RALYL: variants seen among roughly 807,000 people sequenced by gnomAD.
RALYL encodes the protein RALY RNA binding protein like, also known as RNA-binding Raly-like protein.
A neutral mutation model predicts 35.1 loss-of-function variants in RALYL; 29 were observed. That is an observed-to-expected ratio of 0.83 (90% confidence interval 0.61 to 1.13). The LOEUF (loss-of-function observed/expected upper bound fraction) is 1.13. RALYL is among the 50% of genes most tolerant of loss of function. The pLI, the probability that RALYL is intolerant of heterozygous loss-of-function variation, is 0.00. For synonymous variants in RALYL, 120 were observed against 127.6 expected, an observed-to-expected ratio of 0.94 and a Z score of 0.40; for missense variants, 359 against 360.4, an observed-to-expected ratio of 1.00 and a Z score of 0.03.
chr8:84,907,029 C>A (rs1275016400), intron 8 of RALYL: 5 of 928,630 alleles, frequency 5.4e-6, no homozygotes, highest in Non-Finnish European at 6.4e-6. Context: ...GGTAAGAATT[C>A]TTTTCACCTG....
At chr8:84,380,745 A>C (rs1417192410) in intron 1 of RALYL, among the ~76,000 whole-genome samples, 1 of 151,942 alleles carries the variant, frequency 6.6e-6, no homozygotes, top group Non-Finnish European at 1.5e-5. Context: ...AAGAGTTAAA[A>C]AGTGTTTCAG....
chr8:84,647,403 T>C (rs1827726740), intron 2 of RALYL, among the ~76,000 whole-genome samples: 1 of 152,046 alleles, frequency 6.6e-6, no homozygotes, highest in Non-Finnish European at 1.5e-5. Context: ...AAGAGGGTGA[T>C]GTGTATTTGT....
At chr8:84,916,236 G>A (rs560314681) in intron 8 of RALYL, among the ~76,000 whole-genome samples, 2 of 152,082 alleles carry the variant, frequency 1.3e-5, no homozygotes, top group South Asian at 4.2e-4. Context: ...TTTTACTTTA[G>A]TTTATAAGAT....
At chr8:84,387,005 C>T (rs925937566) in intron 1 of RALYL, among the ~76,000 whole-genome samples, 12 of 151,762 alleles carry the variant, frequency 7.9e-5, no homozygotes, top group African/African-American at 2.9e-4. Flanking sequence ...TTATTGGTTC[C>T]CTTAGATAAG....
intron 1 of RALYL, among the ~76,000 whole-genome samples, chr8:84,238,239 G>A (rs151214424): frequency 6.6e-6 from 1 of 151,990 alleles, no homozygotes; most frequent in Admixed American, 6.6e-5. Flanking sequence ...TAAAAATTGG[G>A]AAATATTTAT....
intron 3 of RALYL, among the ~76,000 whole-genome samples, chr8:84,800,690 C>G (rs1823034970): frequency 6.6e-6 from 1 of 152,142 alleles, no homozygotes; most frequent in African/African-American, 2.4e-5. Flanking sequence ...GTAAAAAAAT[C>G]TTAGAAAAGT....
chr8:84,885,389 A>G (rs890268070), intron 7 of RALYL, among the ~76,000 whole-genome samples: 1 of 152,136 alleles, frequency 6.6e-6, no homozygotes, highest in African/African-American at 2.4e-5. Flanking sequence ...TACATTTTAC[A>G]ATAACCACTT....
At chr8:84,469,406 G>T (rs1410661332) in intron 1 of RALYL, among the ~76,000 whole-genome samples, 1 of 152,140 alleles carries the variant, frequency 6.6e-6, no homozygotes, top group Non-Finnish European at 1.5e-5. Context: ...CCTGCCGTGT[G>T]AGGTGTCAGT....
intron 3 of RALYL, among the ~76,000 whole-genome samples, chr8:84,778,100 C>G (rs1352916447): frequency 6.6e-6 from 1 of 152,070 alleles, no homozygotes; most frequent in African/African-American, 2.4e-5. Context: ...ATGGCAAGAA[C>G]AGGGTGAAGA....
At chr8:84,731,462 T>A (rs989805148) in intron 2 of RALYL, among the ~76,000 whole-genome samples, 10 of 152,164 alleles carry the variant, frequency 6.6e-5, no homozygotes, top group Non-Finnish European at 1.3e-4. Flanking sequence ...GTAAATCTGG[T>A]AATTATCTTT....
chr8:84,419,720 C>T (rs1425828344), intron 1 of RALYL, among the ~76,000 whole-genome samples: 2 of 132,856 alleles, frequency 1.5e-5, no homozygotes, highest in East Asian at 4.7e-4. Flanking sequence ...CAACAGTCCC[C>T]AGAGTGTGAT....
intron 1 of RALYL, among the ~76,000 whole-genome samples, chr8:84,352,777 C>T (rs1324657824): frequency 1.3e-5 from 2 of 150,092 alleles, no homozygotes; most frequent in African/African-American, 2.5e-5. Flanking sequence ...ATGAAACACA[C>T]GTTTGGAAAG....
At chr8:84,661,150 G>A (rs188547087) in intron 2 of RALYL, among the ~76,000 whole-genome samples, 1 of 151,788 alleles carries the variant, frequency 6.6e-6, no homozygotes, top group Non-Finnish European at 1.5e-5. Context: ...GGATGGTCTC[G>A]ATCTCCTGAC....
intron 1 of RALYL, among the ~76,000 whole-genome samples, chr8:84,209,125 C>CAAAAAAAAAAAAAAAAAAAAA (rs60246316): frequency 1.0e-5 from 1 of 97,536 alleles, no homozygotes; most frequent in African/African-American, 3.9e-5. Context: ...ACTCCTCCAC[C>CAAAAAAAAAAAAAAAAAAAAA]AAAAAAAAAA....
intron 1 of RALYL, among the ~76,000 whole-genome samples, chr8:84,430,021 A>G (rs1377552621): frequency 6.6e-6 from 1 of 152,110 alleles, no homozygotes. Context: ...TTAAAAAAAA[A>G]AAAAGAGTTC....
At chr8:84,669,019 T>A (rs755248987) in intron 2 of RALYL, among the ~76,000 whole-genome samples, 3 of 152,094 alleles carry the variant, frequency 2.0e-5, no homozygotes, top group Non-Finnish European at 4.4e-5. Flanking sequence ...TCGTAATCAT[T>A]TACTCAATGA....
chr8:84,408,921 A>T (rs557516414), intron 1 of RALYL, among the ~76,000 whole-genome samples: 1 of 152,242 alleles, frequency 6.6e-6, no homozygotes, highest in South Asian at 2.1e-4. Flanking sequence ...AAAAAAAGAA[A>T]CTGTGCATTA....
Position 84,478,167 on chromosome 8 carries a change from C to G in RALYL, c.-23-51132C>G, listed in dbSNP as rs991723445. ...GTAGATTTTTTAAATGAGTTAAAAA[C>G]CCAACAATTTACTTTATGTTGATAC... On this transcript the variant is annotated intron_variant, in intron 1 of 8. Transcript: ENST00000521268. 2.0e-5 allele frequency among the ~76,000 whole-genome samples: 3 copies of G among 151,922 alleles called. No homozygotes were observed. In the South Asian group the frequency reaches 6.2e-4, roughly 31 times the overall value.
intron 3 of RALYL, among the ~76,000 whole-genome samples, chr8:84,793,225 G>T (rs561451225): frequency 1.3e-5 from 2 of 152,232 alleles, no homozygotes; most frequent in Admixed American, 6.5e-5. Context: ...AGAAAAGATA[G>T]AAAAGAGAAG....
Sources: allele counts gnomAD v4.1 joint callset (sites outside exome capture counted in the v4.1 genomes callset), GRCh38; gene constraint gnomAD v4.1.1; transcripts MANE v1.5; gene names NCBI Gene and HGNC (gene_info 2026-07-23, HGNC 2026-07-21).